The following NKAIN2 variants were observed in gnomAD, a reference collection of about 807,000 sequenced individuals.
NKAIN2 encodes sodium/potassium transporting ATPase interacting 2, also known as sodium/potassium-transporting ATPase subunit beta-1-interacting protein 2.
A neutral mutation model predicts 32.6 loss-of-function variants in NKAIN2; 14 were observed. The ratio of observed to expected loss-of-function variants is 0.43; its 90% CI spans 0.28 to 0.67. NKAIN2 has a LOEUF of 0.67. Ranked by LOEUF, NKAIN2 falls within the 30% of genes least tolerant of loss-of-function variation. The pLI is 0.17. For missense variants in NKAIN2, 198 were observed against 258.3 expected (o/e 0.77, Z 1.60); for synonymous variants, 80 against 87.2 (o/e 0.92, Z 0.46).
chr6:124,252,386 C>T (rs1314592974), intron 1 of NKAIN2, among the ~76,000 whole-genome samples: 1 of 151,922 alleles, frequency 6.6e-6, no homozygotes, highest in Admixed American at 6.6e-5. Flanking sequence ...GACATAGGTG[C>T]TAAAACTACA....
intron 3 of NKAIN2, among the ~76,000 whole-genome samples, chr6:124,641,403 A>C (rs1783981409): frequency 6.6e-6 from 1 of 152,128 alleles, no homozygotes; most frequent in Non-Finnish European, 1.5e-5. Context: ...TGGACATGAG[A>C]AACCTGTTTT....
intron 1 of NKAIN2, among the ~76,000 whole-genome samples, chr6:123,886,281 TACAC>T (rs750456146): frequency 2.6e-5 from 4 of 152,030 alleles, no homozygotes; most frequent in South Asian, 2.1e-4. Flanking sequence ...AAAGAAGAAA[TACAC>T]ACAATGATTT....
At chr6:124,610,123 C>T (rs949541256) in intron 3 of NKAIN2, among the ~76,000 whole-genome samples, 2 of 152,152 alleles carry the variant, frequency 1.3e-5, no homozygotes, top group African/African-American at 2.4e-5. Flanking sequence ...CTCTGTAAAA[C>T]ATTCTGCTAC....
intron 1 of NKAIN2, among the ~76,000 whole-genome samples, chr6:124,260,512 C>A (rs1794196300): frequency 6.6e-6 from 1 of 152,072 alleles, no homozygotes; most frequent in African/African-American, 2.4e-5. Context: ...TGTAAAAGCG[C>A]TGAGGCAGGA....
At chr6:124,729,696 A>C in intron 4 of NKAIN2, among the ~76,000 whole-genome samples, 1 of 150,556 alleles carries the variant, frequency 6.6e-6, no homozygotes, top group Non-Finnish European at 1.5e-5. Context: ...ATAGTGTTGG[A>C]AGTTCTGGCC....
chr6:124,388,229 C>A (rs551890439), intron 3 of NKAIN2, among the ~76,000 whole-genome samples: 1 of 151,570 alleles, frequency 6.6e-6, no homozygotes, highest in Non-Finnish European at 1.5e-5. Flanking sequence ...GGATAAAGAT[C>A]AATTTCATTG....
At chr6:124,646,246 A>G (rs979801884) in intron 3 of NKAIN2, among the ~76,000 whole-genome samples, 2 of 152,170 alleles carry the variant, frequency 1.3e-5, no homozygotes, top group South Asian at 2.1e-4. Flanking sequence ...AATAAGAGCT[A>G]TATAAAAAGA....
At chr6:124,503,441 A>T (rs1778368358) in intron 3 of NKAIN2, among the ~76,000 whole-genome samples, 1 of 152,154 alleles carries the variant, frequency 6.6e-6, no homozygotes, top group South Asian at 2.1e-4. Context: ...TGTGAAATAT[A>T]GCCCGAAAGT....
intron 1 of NKAIN2, among the ~76,000 whole-genome samples, chr6:123,896,935 C>A (rs1774310788): frequency 6.6e-6 from 1 of 152,154 alleles, no homozygotes; most frequent in Non-Finnish European, 1.5e-5. Flanking sequence ...CCTGCAACCC[C>A]ACATTTCTTG....
At chr6:123,857,377 A>T (rs1775596427) in intron 1 of NKAIN2, among the ~76,000 whole-genome samples, 1 of 152,128 alleles carries the variant, frequency 6.6e-6, no homozygotes, top group Non-Finnish European at 1.5e-5. Flanking sequence ...ATAAGCTTGT[A>T]AAGTTGTAAT....
intron 3 of NKAIN2, among the ~76,000 whole-genome samples, chr6:124,640,080 C>T (rs117982980): frequency 1.3e-5 from 2 of 152,192 alleles, no homozygotes; most frequent in East Asian, 3.9e-4. Flanking sequence ...ATCCTATAAA[C>T]ACATACAATT....
intron 4 of NKAIN2, among the ~76,000 whole-genome samples, chr6:124,756,428 C>A (rs1053074235): frequency 2.0e-5 from 3 of 152,096 alleles, no homozygotes; most frequent in African/African-American, 7.2e-5. Context: ...CTTTACCCTT[C>A]CACTATGACC....
intron 3 of NKAIN2, among the ~76,000 whole-genome samples, chr6:124,405,314 A>T (rs114061700): frequency 6.6e-6 from 1 of 152,294 alleles, no homozygotes; most frequent in African/African-American, 2.4e-5. Context: ...TTTTGCAGAA[A>T]ATTTGTGGAT....
intron 3 of NKAIN2, among the ~76,000 whole-genome samples, chr6:124,542,829 T>G (rs916352751): frequency 6.6e-6 from 1 of 152,096 alleles, no homozygotes; most frequent in African/African-American, 2.4e-5. Context: ...ATGAATAAAC[T>G]AAATAAAAAC....
chr6:124,782,648 A>T (rs149325760), intron 4 of NKAIN2, among the ~76,000 whole-genome samples: 2 of 152,096 alleles, frequency 1.3e-5, no homozygotes, highest in Non-Finnish European at 2.9e-5. Flanking sequence ...TACCTTTTGT[A>T]TAGTTAATTT....
At chr6:124,005,810 A>G (rs550543583) in intron 1 of NKAIN2, among the ~76,000 whole-genome samples, 18 of 152,262 alleles carry the variant, frequency 1.2e-4, no homozygotes, top group Admixed American at 5.2e-4. Flanking sequence ...TTTTGCTACT[A>G]TATCTTTTTT....
At chr6:124,170,477 A>G (rs1325570536) in intron 1 of NKAIN2, among the ~76,000 whole-genome samples, 1 of 152,212 alleles carries the variant, frequency 6.6e-6, no homozygotes, top group Non-Finnish European at 1.5e-5. Context: ...TGTATGGCAA[A>G]AGAATGTCAA....
intron 1 of NKAIN2, among the ~76,000 whole-genome samples, chr6:123,874,028 T>C (rs114847093): frequency 0.012 from 1,869 of 152,278 alleles, 34 homozygotes; most frequent in African/African-American, 0.043. Flanking sequence ...CTTTTTAATT[T>C]CTTTCAAGGA....
At chr6:124,815,185 A>T (rs775463654) in intron 5 of NKAIN2, among the ~76,000 whole-genome samples, 1 of 146,040 alleles carries the variant, frequency 6.8e-6, no homozygotes, top group Admixed American at 6.9e-5. Flanking sequence ...GAATTTAGAC[A>T]CTATCTGCAA....
Sources: allele counts gnomAD v4.1 joint callset (sites outside exome capture counted in the v4.1 genomes callset), GRCh38; gene constraint gnomAD v4.1.1; transcripts MANE v1.5; gene names NCBI Gene and HGNC (gene_info 2026-07-23, HGNC 2026-07-21).